KCND2: variants seen among roughly 807,000 people sequenced by gnomAD.
KCND2 encodes the protein potassium voltage-gated channel subfamily D member 2, also known as A-type voltage-gated potassium channel KCND2.
In KCND2, 16 loss-of-function variants were observed where a neutral mutation model predicts 54.4. The ratio of observed to expected loss-of-function variants is 0.29; its 90% CI spans 0.20 to 0.45. The LOEUF is 0.45. Ranked by LOEUF, KCND2 falls within the 20% of genes least tolerant of loss-of-function variation. The pLI, the probability that KCND2 is intolerant of heterozygous loss-of-function variation, is 1.00. For synonymous variants in KCND2, 317 were observed against 310.7 expected, an observed-to-expected ratio of 1.02 and a Z score of -0.21; for missense variants, 486 against 824.2, an observed-to-expected ratio of 0.59 and a Z score of 5.02.
At chr7:120,736,379 C>T (rs953896343) in intron 2 of KCND2, among the ~76,000 whole-genome samples, 3 of 148,676 alleles carry the variant, frequency 2.0e-5, no homozygotes, top group African/African-American at 7.8e-5. Flanking sequence ...TAGGCCTAAA[C>T]TGTGACACCT....
rs190015063 is a variant in KCND2, at chr7:120,339,802, G to T, written c.1115+64055G>T. Among the ~76,000 whole-genome samples the T allele has an allele frequency of 1.6e-3, 240 of 152,242 alleles. 3 individuals are homozygous for T. Among genetic ancestry groups the T allele is most frequent in the African/African-American group, 5.2e-3 (217 of 41,548 alleles). On this transcript the variant is annotated intron_variant, in intron 1 of 5. Coordinates refer to ENST00000331113, the MANE Select transcript of KCND2 (RefSeq NM_012281.3). ...GGATCAGGTTGCATTTTTAAATTAGGTGGTCAAAATTGGCCTCAGTGAGAA... is the reference window on the plus strand; with the variant it reads ...GGATCAGGTTGCATTTTTAAATTAGTTGGTCAAAATTGGCCTCAGTGAGAA...
intron 3 of KCND2, among the ~76,000 whole-genome samples, chr7:120,742,055 A>C (rs1234220103): frequency 6.6e-6 from 1 of 152,176 alleles, no homozygotes; most frequent in Non-Finnish European, 1.5e-5. Context: ...ATTCAGTGTT[A>C]GGAAGATCAT....
chr7:120,538,971 G>C (rs1202624353), intron 1 of KCND2, among the ~76,000 whole-genome samples: 1 of 152,118 alleles, frequency 6.6e-6, no homozygotes, highest in African/African-American at 2.4e-5. Flanking sequence ...GTGCTCATTA[G>C]TCCTGCTCAA....
intron 1 of KCND2, among the ~76,000 whole-genome samples, chr7:120,465,659 G>T (rs1802357715): frequency 6.6e-6 from 1 of 151,992 alleles, no homozygotes; most frequent in Admixed American, 6.6e-5. Flanking sequence ...GAGCTGCCTA[G>T]CAGTCAGATA....
intron 1 of KCND2, among the ~76,000 whole-genome samples, chr7:120,647,615 G>A (rs1371583674): frequency 1.3e-5 from 2 of 152,182 alleles, no homozygotes; most frequent in Non-Finnish European, 2.9e-5. Context: ...TGTGGCTGCA[G>A]AAAAGAACGG....
At chr7:120,454,105 A>C (rs573411021) in intron 1 of KCND2, among the ~76,000 whole-genome samples, 1 of 152,290 alleles carries the variant, frequency 6.6e-6, no homozygotes, top group South Asian at 2.1e-4. Context: ...ATAAATAAAA[A>C]GTTAAAAAGA....
intron 1 of KCND2, among the ~76,000 whole-genome samples, chr7:120,715,410 A>G (rs1370081484): frequency 6.6e-6 from 1 of 152,076 alleles, no homozygotes; most frequent in Non-Finnish European, 1.5e-5. Flanking sequence ...CATGTTAATA[A>G]CAACTTCTGG....
At chr7:120,624,111 G>A (rs183894219) in intron 1 of KCND2, among the ~76,000 whole-genome samples, 1 of 152,168 alleles carries the variant, frequency 6.6e-6, no homozygotes, top group African/African-American at 2.4e-5. Context: ...AAAGATGTAT[G>A]GTTCAAAAAG....
At chr7:120,335,355 CAAAAA>C (rs35404512) in intron 1 of KCND2, among the ~76,000 whole-genome samples, 1 of 58,378 alleles carries the variant, frequency 1.7e-5, no homozygotes, top group African/African-American at 6.9e-5. Context: ...AAGACTCTAT[CAAAAA>C]AAAAAAAAAA....
chr7:120,335,842 G>A (rs1037618300), intron 1 of KCND2, among the ~76,000 whole-genome samples: 14 of 152,138 alleles, frequency 9.2e-5, no homozygotes, highest in African/African-American at 1.4e-4. Context: ...ATAGTATGGC[G>A]ATTGCCATTT....
intron 1 of KCND2, among the ~76,000 whole-genome samples, chr7:120,345,322 CTGTTCATCACATAACTAG>C (rs1459705411): frequency 2.0e-5 from 3 of 152,086 alleles, no homozygotes; most frequent in Non-Finnish European, 4.4e-5. Context: ...GGTGGTATGT[CTGTTCATCACATAACTAG>C]TACGATTAAG....
chr7:120,737,628 A>G (rs1234857746), intron 2 of KCND2, among the ~76,000 whole-genome samples: 4 of 152,050 alleles, frequency 2.6e-5, no homozygotes, highest in Non-Finnish European at 2.9e-5. Flanking sequence ...CATTTCTAGC[A>G]CAGCTATTTT....
At chr7:120,479,989 A>G (rs1584795810) in intron 1 of KCND2, among the ~76,000 whole-genome samples, 1 of 150,304 alleles carries the variant, frequency 6.7e-6, no homozygotes, top group East Asian at 1.9e-4. Flanking sequence ...AGAAAGAAAG[A>G]AGTATGAGCT....
chr7:120,437,311 T>G (rs1438192265), intron 1 of KCND2, among the ~76,000 whole-genome samples: 2 of 150,400 alleles, frequency 1.3e-5, no homozygotes, highest in Admixed American at 6.7e-5. Context: ...CAAGCGATTC[T>G]CCTGCCTCAG....
At chr7:120,520,334 G>T (rs802364) in intron 1 of KCND2, among the ~76,000 whole-genome samples, 5 of 151,844 alleles carry the variant, frequency 3.3e-5, no homozygotes, top group Non-Finnish European at 5.9e-5. Flanking sequence ...AAAGTTACAC[G>T]TAAGAATACC....
chr7:120,377,390 G>T (rs1800848458), intron 1 of KCND2, among the ~76,000 whole-genome samples: 1 of 151,852 alleles, frequency 6.6e-6, no homozygotes, highest in Admixed American at 6.6e-5. Context: ...CAACCAGAAA[G>T]AGTTTGTGGT....
At chr7:120,301,286 GAT>G (rs1329860762) in intron 1 of KCND2, among the ~76,000 whole-genome samples, 1 of 152,112 alleles carries the variant, frequency 6.6e-6, no homozygotes, top group Non-Finnish European at 1.5e-5. Flanking sequence ...TTCTAGGCAA[GAT>G]CATGGGAAAT....
chr7:120,434,054 T>A (rs1174054708), intron 1 of KCND2, among the ~76,000 whole-genome samples: 2 of 152,170 alleles, frequency 1.3e-5, no homozygotes, highest in Non-Finnish European at 2.9e-5. Context: ...CCTAGTGTAA[T>A]GTAAGGGAAA....
chr7:120,530,490 G>A (rs1397703202), intron 1 of KCND2, among the ~76,000 whole-genome samples: 2 of 151,970 alleles, frequency 1.3e-5, no homozygotes, highest in Non-Finnish European at 2.9e-5. Flanking sequence ...CATTGTCATT[G>A]CTTCCAAAGA....
Sources: allele counts gnomAD v4.1 joint callset (sites outside exome capture counted in the v4.1 genomes callset), GRCh38; gene constraint gnomAD v4.1.1; transcripts MANE v1.5; gene names NCBI Gene and HGNC (gene_info 2026-07-23, HGNC 2026-07-21).